The following GOLM1 variants were observed in gnomAD, a reference collection of about 807,000 sequenced individuals.
GOLM1 encodes the protein golgi membrane protein 1, also known as epididymis luminal protein 46.
Under a neutral mutation model 50.5 loss-of-function variants are expected in GOLM1, and 31 were observed. The observed-to-expected ratio is 0.61, with a 90% CI of 0.46 to 0.83. GOLM1 has a LOEUF of 0.83. Ranked by LOEUF, GOLM1 falls within the 40% of genes least tolerant of loss-of-function variation. The pLI is 0.00. For missense variants in GOLM1, 491 were observed against 501.3 expected, an observed-to-expected ratio of 0.98 and a Z score of 0.20; for synonymous variants, 178 against 192.8, an observed-to-expected ratio of 0.92 and a Z score of 0.64.
intron 3 of GOLM1, among the ~76,000 whole-genome samples, chr9:86,074,411 T>C (rs1375924985): frequency 6.6e-6 from 1 of 152,144 alleles, no homozygotes; most frequent in East Asian, 1.9e-4. Context: ...CAGACAAAGG[T>C]AAACAAGCTA....
intron 2 of GOLM1, 140 bp downstream of exon 2, chr9:86,079,052 C>T: frequency 1.5e-6 from 1 of 687,316 alleles, no homozygotes; most frequent in Non-Finnish European, 2.3e-6. Context: ...GTGTGCAGAG[C>T]CCTAAACTCA....
intron 1 of GOLM1, among the ~76,000 whole-genome samples, chr9:86,088,816 G>A (rs556130138): frequency 6.6e-6 from 1 of 151,922 alleles, no homozygotes; most frequent in South Asian, 2.1e-4. Context: ...GATGTTAACT[G>A]GTTATTTTGT....
intron 9 of GOLM1, among the ~76,000 whole-genome samples, chr9:86,030,785 T>C (rs981517820): frequency 1.4e-4 from 21 of 152,352 alleles, no homozygotes; most frequent in African/African-American, 4.8e-4. Context: ...GATGTTAACA[T>C]TTGGGGAACC....
intron 1 of GOLM1, among the ~76,000 whole-genome samples, chr9:86,095,015 G>A (rs893813929): frequency 2.0e-4 from 30 of 151,634 alleles, no homozygotes; most frequent in African/African-American, 6.0e-4. Flanking sequence ...CCTGGGAAGC[G>A]GAGTTTTCGG....
chr9:86,084,809 G>A (rs746213211), intron 1 of GOLM1: 5 of 152,168 alleles, frequency 3.3e-5, no homozygotes, highest in Non-Finnish European at 7.3e-5. Context: ...CAGCACTTTA[G>A]GAGGCTGAGG....
At chr9:86,030,107 A>G (rs1832923568) in intron 9 of GOLM1, among the ~76,000 whole-genome samples, 1 of 151,212 alleles carries the variant, frequency 6.6e-6, no homozygotes, top group African/African-American at 2.4e-5. Flanking sequence ...GCTCCCAGCT[A>G]CTCAGGAGGC....
Position 86,027,719 on chromosome 9 carries a change from T to G in GOLM1, c.*98A>C. On this transcript the variant is annotated 3_prime_UTR_variant, in exon 10 of 10. Transcript: ENST00000388712. ...AATAATCATCTTCAGATGTACATTT[T>G]ATTTAGTACATTTCACAGTTTTCAG... 6.8e-7 allele frequency: 1 copy of G among 1,472,814 alleles called. No individual in the cohort carries two copies. The allele number at this position is 1,472,814 out of a possible 1,614,324, so 91.2% of individuals were successfully genotyped here. A position where few individuals can be genotyped will look rare whatever the true frequency, so the allele number is the denominator to read the frequency against.
At chr9:86,099,255 CGCAGCCAGCGAAGGTT>C (rs1179067324) in intron 1 of GOLM1, among the ~76,000 whole-genome samples, 140 bp downstream of exon 1, 4 of 151,844 alleles carry the variant, frequency 2.6e-5, no homozygotes, top group Non-Finnish European at 4.4e-5. Context: ...CAGCCCCGAG[CGCAGCCAGCGAAGGTT>C]GCAGCCCCGG....
intron 3 of GOLM1, among the ~76,000 whole-genome samples, chr9:86,054,625 C>T (rs1004655599): frequency 1.3e-5 from 2 of 152,152 alleles, no homozygotes; most frequent in Non-Finnish European, 2.9e-5. Flanking sequence ...CATGGTCACC[C>T]GCCTACTAAG....
chr9:86,028,061 C>T (rs946994401), intron 9 of GOLM1, among the ~76,000 whole-genome samples, 168 bp from the exon 10 acceptor site: 8 of 151,828 alleles, frequency 5.3e-5, no homozygotes, highest in East Asian at 1.9e-4. Flanking sequence ...AAGATGGCAA[C>T]GGTGATATGG....
chr9:86,073,259 T>TTA (rs1834504676), intron 3 of GOLM1, among the ~76,000 whole-genome samples: 1 of 152,130 alleles, frequency 6.6e-6, no homozygotes, highest in Admixed American at 6.6e-5. Flanking sequence ...ATGTGTATGT[T>TTA]TATATATATG....
chr9:86,076,593 C>T (rs923539775), intron 3 of GOLM1, among the ~76,000 whole-genome samples: 10 of 151,620 alleles, frequency 6.6e-5, no homozygotes, highest in Middle Eastern at 6.8e-3. Flanking sequence ...AGGCCGGGCA[C>T]GGTGGCTCAT....
In GOLM1 at chr9:86,041,693, T is replaced by C. The variant is rs1195276140; in HGVS notation, c.468-825A>G. Among the ~76,000 whole-genome samples the C allele has an allele frequency of 2.6e-5, 4 of 152,094 alleles. No individual in the cohort carries two copies. The East Asian group carries it at 7.7e-4, about 29-fold the overall frequency. ...AGGGGGTGGCGGGTAACCCTAAAGC[T>C]GTAGCCAGCCAGGCAGAAGTGAGGG... On this transcript the variant is annotated intron_variant, in intron 5 of 9. Coordinates refer to ENST00000388712, the MANE Select transcript of GOLM1 (RefSeq NM_016548.4).
chr9:86,088,557 G>A (rs1430447175), intron 1 of GOLM1, among the ~76,000 whole-genome samples: 1 of 133,606 alleles, frequency 7.5e-6, no homozygotes, highest in East Asian at 2.2e-4. Context: ...TCAGAGGATT[G>A]CAACTCCTGG....
At chr9:86,090,467 T>C (rs1315784471) in intron 1 of GOLM1, among the ~76,000 whole-genome samples, 2 of 152,184 alleles carry the variant, frequency 1.3e-5, no homozygotes, top group African/African-American at 4.8e-5. Context: ...AGAGGCAGTC[T>C]GGCCACAGTG....
At chr9:86,091,359 C>T (rs1311543359) in intron 1 of GOLM1, among the ~76,000 whole-genome samples, 1 of 152,208 alleles carries the variant, frequency 6.6e-6, no homozygotes, top group East Asian at 1.9e-4. Context: ...TTCATATTTA[C>T]ATTTAAATTG....
chr9:86,085,477 TCTA>T lies in GOLM1; in HGVS notation c.-21-6139_-21-6137del, dbSNP rs575290142. ...TGTTTTTTTTTTTTTTTTTGAAGGTTCTACTTTTTTTTTAAATTATACTTTAAG... is the reference window on the plus strand; with the variant it reads ...TGTTTTTTTTTTTTTTTTTGAAGGTTCTTTTTTTTTAAATTATACTTTAAG... On this transcript the variant is annotated intron_variant, in intron 1 of 9. Transcript: ENST00000388712. Among the ~76,000 whole-genome samples, 19 of 138,780 alleles carry T rather than the reference TCTA, an allele frequency of 1.4e-4. No homozygotes were observed. The East Asian group carries it at 2.3e-3, about 17-fold the overall frequency. 91.0% of individuals were successfully genotyped at this position (138,780 alleles called of 152,430 possible).
intron 8 of GOLM1, 80 bp from the exon 9 acceptor site, chr9:86,033,475 G>C: frequency 1.2e-6 from 1 of 850,852 alleles, no homozygotes; most frequent in Non-Finnish European, 2.0e-6. Context: ...AAGTGCTGGG[G>C]GTTAGCCATA....
chr9:86,038,716 C>T (rs1440147612), intron 6 of GOLM1, among the ~76,000 whole-genome samples: 1 of 152,180 alleles, frequency 6.6e-6, no homozygotes, highest in Non-Finnish European at 1.5e-5. Flanking sequence ...CAAGTGATTA[C>T]TGAGACAACT....
Sources: gnomAD v4.1 joint callset for allele counts (sites outside exome capture counted in the v4.1 genomes callset) on GRCh38, gnomAD v4.1.1 for gene constraint, MANE v1.5 for transcripts, NCBI Gene and HGNC (gene_info 2026-07-23, HGNC 2026-07-21) for gene names.